The following NECAB1 variants were observed in gnomAD, a reference collection of about 807,000 sequenced individuals.
NECAB1 encodes the protein N-terminal EF-hand calcium-binding protein 1.
Under a neutral mutation model 57.5 loss-of-function variants are expected in NECAB1, and 29 were observed. The observed-to-expected ratio is 0.50, with a 90% CI of 0.38 to 0.69. The LOEUF is 0.69. Among genes scored for constraint, NECAB1 ranks in the 30% least tolerant of loss-of-function variants. The pLI, the probability that NECAB1 is intolerant of heterozygous loss-of-function variation, is 0.00. For synonymous variants in NECAB1, 142 were observed against 147.7 expected (o/e 0.96, Z 0.28); for missense variants, 372 against 413.8 (o/e 0.90, Z 0.88).
chr8:90,796,001 A>T (rs1811655534), intron 1 of NECAB1, among the ~76,000 whole-genome samples: 2 of 152,224 alleles, frequency 1.3e-5, no homozygotes, highest in East Asian at 3.8e-4. Flanking sequence ...TTTTTAAAAA[A>T]GTATTTAAAA....
chr8:90,796,819 A>T (rs1471045327), intron 1 of NECAB1, among the ~76,000 whole-genome samples: 1 of 152,230 alleles, frequency 6.6e-6, no homozygotes, highest in African/African-American at 2.4e-5. Context: ...CAGCAGAGAC[A>T]GTTCTGTTCA....
chr8:90,940,128 G>A (rs1237580415), intron 9 of NECAB1: 1 of 152,228 alleles, frequency 6.6e-6, no homozygotes, highest in Non-Finnish European at 1.5e-5. Context: ...ATTTGTTACA[G>A]GAAACAGTTG....
intron 10 of NECAB1, among the ~76,000 whole-genome samples, chr8:90,948,869 G>A (rs981576387): frequency 3.3e-5 from 5 of 152,000 alleles, no homozygotes; most frequent in African/African-American, 1.2e-4. Flanking sequence ...CTCTAGCCAC[G>A]TCACTCTCCC....
intron 3 of NECAB1, among the ~76,000 whole-genome samples, chr8:90,848,035 T>G (rs906992191): frequency 2.6e-5 from 4 of 152,198 alleles, no homozygotes; most frequent in Non-Finnish European, 4.4e-5. Flanking sequence ...AGAAAATGGG[T>G]TTGTCTTTTC....
chr8:90,800,785 C>T (rs970796661), intron 1 of NECAB1, among the ~76,000 whole-genome samples: 1 of 152,154 alleles, frequency 6.6e-6, no homozygotes, highest in Non-Finnish European at 1.5e-5. Flanking sequence ...TTCACTGGCC[C>T]TAATGTGCTC....
chr8:90,825,250 G>A (rs1812204114), intron 3 of NECAB1: 1 of 152,204 alleles, frequency 6.6e-6, no homozygotes, highest in Middle Eastern at 3.4e-3. Context: ...GACAATTCAG[G>A]TGTGCTGAAT....
At chr8:90,827,163 T>C (rs926410055) in intron 3 of NECAB1, among the ~76,000 whole-genome samples, 1 of 152,042 alleles carries the variant, frequency 6.6e-6, no homozygotes, top group Non-Finnish European at 1.5e-5. Context: ...TTTTAACAAA[T>C]GCACTATATA....
intron 2 of NECAB1, among the ~76,000 whole-genome samples, chr8:90,803,006 C>T (rs1056026806): frequency 2.6e-5 from 4 of 152,092 alleles, no homozygotes; most frequent in African/African-American, 7.2e-5. Context: ...AAGCAATTCT[C>T]CTGCCTCAGC....
chr8:90,820,939 T>C (rs1396167270), intron 2 of NECAB1, among the ~76,000 whole-genome samples: 1 of 151,918 alleles, frequency 6.6e-6, no homozygotes, highest in East Asian at 1.9e-4. Context: ...CTATATAGCC[T>C]TTCTCTTAAT....
chr8:90,875,750 C>T (rs1192801453), intron 4 of NECAB1, among the ~76,000 whole-genome samples: 1 of 151,142 alleles, frequency 6.6e-6, no homozygotes. Context: ...CGGTGGCTCA[C>T]GCCTGTAATC....
At chr8:90,916,312 C>G (rs13270056) in intron 5 of NECAB1, among the ~76,000 whole-genome samples, 71 of 152,206 alleles carry the variant, frequency 4.7e-4, no homozygotes, top group African/African-American at 1.7e-3. Context: ...CCAATTCTTC[C>G]TAAATTAAAG....
intron 5 of NECAB1, among the ~76,000 whole-genome samples, chr8:90,891,524 A>T (rs374980542): frequency 6.6e-6 from 1 of 152,100 alleles, no homozygotes; most frequent in East Asian, 1.9e-4. Flanking sequence ...AACAAATATT[A>T]CCTATTCCCA....
In NECAB1 at chr8:90,949,815, T is replaced by A. The variant is rs767165587; in HGVS notation, c.869T>A (p.Ile290Lys). ...TTTATTTTCCATTTCAGTATTTCTA[T>A]ACAGAAGCTTTCAAATGAATCTCGC... is the stretch of plus-strand genomic sequence containing the variant. ...SSQSGCLRIS[I>K]QKLSNESRYM... The change falls in exon 11 of 13, where the codon ATA becomes AAA. Residue 290 changes from isoleucine to lysine, a missense_variant. Physicochemically the swap from Ile to Lys is moderately radical, Grantham distance 102 (BLOSUM62 -3). Transcript: ENST00000417640. 2.5e-6 allele frequency: 4 copies of A among 1,599,474 alleles called. No homozygotes were observed. The highest frequency in any genetic ancestry group is 3.4e-6 in the Non-Finnish European group (4 of 1,168,888).
At chr8:90,945,286 G>A (rs889328023) in intron 10 of NECAB1, among the ~76,000 whole-genome samples, 2 of 151,960 alleles carry the variant, frequency 1.3e-5, no homozygotes, top group African/African-American at 4.8e-5. Flanking sequence ...CAGGCTGGTC[G>A]CGAACCTCCG....
chr8:90,869,072 G>T (rs1052437722), intron 3 of NECAB1, among the ~76,000 whole-genome samples: 1 of 152,244 alleles, frequency 6.6e-6, no homozygotes, highest in Non-Finnish European at 1.5e-5. Flanking sequence ...TACAGCTCTT[G>T]TTGTTACTTC....
intron 4 of NECAB1, among the ~76,000 whole-genome samples, chr8:90,879,960 T>A (rs1412167940): frequency 1.3e-5 from 2 of 152,230 alleles, no homozygotes. Context: ...ACAACCATGA[T>A]CTGGAATTGA....
intron 6 of NECAB1, among the ~76,000 whole-genome samples, chr8:90,917,870 A>ATATATATATATATATATATGTGTGTGTG (rs1554575432): frequency 2.0e-4 from 13 of 64,340 alleles, no homozygotes; most frequent in East Asian, 1.1e-3. Flanking sequence ...ATATATATAT[A>ATATATATATATATATATATGTGTGTGTG]TGTGTGTGTG....
At chr8:90,875,630 T>G (rs969377255) in intron 4 of NECAB1, among the ~76,000 whole-genome samples, 1 of 151,672 alleles carries the variant, frequency 6.6e-6, no homozygotes, top group South Asian at 2.1e-4. Flanking sequence ...TATTTAATAG[T>G]GTAATTTCTC....
intron 11 of NECAB1, 21 bp downstream of exon 11, chr8:90,949,905 AT>A: frequency 6.8e-7 from 1 of 1,479,460 alleles, no homozygotes; most frequent in South Asian, 1.2e-5. Flanking sequence ...AGCAAGCCTG[AT>A]TTTATGTGAA....
Sources: allele counts gnomAD v4.1 joint callset (sites outside exome capture counted in the v4.1 genomes callset), GRCh38; gene constraint gnomAD v4.1.1; transcripts MANE v1.5; gene names NCBI Gene and HGNC (gene_info 2026-07-23, HGNC 2026-07-21).